The following NCOR1 variants were observed in gnomAD, a reference collection of about 807,000 sequenced individuals.
The protein encoded by NCOR1 is protein phosphatase 1, regulatory subunit 109.
A neutral mutation model predicts 288.1 loss-of-function variants in NCOR1; 63 were observed. The observed-to-expected ratio is 0.22, with a 90% CI of 0.18 to 0.27. NCOR1 has a LOEUF of 0.27. Among genes scored for constraint, NCOR1 ranks in the 10% least tolerant of loss-of-function variants. The pLI is 1.00. For missense variants in NCOR1, 2,397 were observed against 3,019.2 expected, an observed-to-expected ratio of 0.79 and a Z score of 4.83; for synonymous variants, 1,007 against 1,065.9, an observed-to-expected ratio of 0.94 and a Z score of 1.08.
rs1291108079 is a variant in NCOR1, at chr17:16,095,084, G to T, written c.2821-3026C>A. ...CTGCCCAGTCTGGAAAGTGAGGAGC[G>T]TCTCTGCCCGGCCGCCATCCCACCT... On this transcript the variant is annotated intron_variant, in intron 21 of 45. Coordinates refer to ENST00000268712, the MANE Select transcript of NCOR1 (RefSeq NM_006311.4). Among the ~76,000 whole-genome samples the T allele has an allele frequency of 8.0e-5, 12 of 150,138 alleles. No individual in the cohort carries two copies. In the East Asian group the frequency reaches 2.2e-3, roughly 27 times the overall value.
chr17:16,032,689 A>T (rs1385709614), intron 45 of NCOR1, among the ~76,000 whole-genome samples: 1 of 152,242 alleles, frequency 6.6e-6, no homozygotes, highest in Non-Finnish European at 1.5e-5. Flanking sequence ...GGGTCCAAAA[A>T]AGAAGAGTAA....
In NCOR1 at chr17:16,075,720, A is replaced by G. The variant is rs1348869680; in HGVS notation, c.3502-18T>C. The G allele has an allele frequency of 3.7e-6, 6 of 1,613,514 alleles. No homozygotes were observed. In the African/African-American group the frequency reaches 6.7e-5, roughly 18 times the overall value. Reference sequence around the variant, plus strand: ...GGGGTGCCCTGCCATCAAATCAAGCATAAATAGCAGAGGAGTCACTCGAGT... The same window carrying G: ...GGGGTGCCCTGCCATCAAATCAAGCGTAAATAGCAGAGGAGTCACTCGAGT... On this transcript the variant is annotated intron_variant, in intron 26 of 45. Transcript: ENST00000268712.
At chr17:16,078,970 A>C (rs1239749175) in intron 26 of NCOR1, among the ~76,000 whole-genome samples, 1 of 152,346 alleles carries the variant, frequency 6.6e-6, no homozygotes, top group Non-Finnish European at 1.5e-5. Context: ...TTTCAGAAAG[A>C]AATCACCTGG....
chr17:16,075,810 C>A, intron 26 of NCOR1, 108 bp from the exon 27 acceptor site: 1 of 1,215,976 alleles, frequency 8.2e-7, no homozygotes, highest in Non-Finnish European at 1.1e-6. Flanking sequence ...TCTATAGCTT[C>A]AAAGAAGAAA....
chr17:16,089,533 TA>T (rs2064835891), intron 22 of NCOR1, among the ~76,000 whole-genome samples: 1 of 152,100 alleles, frequency 6.6e-6, no homozygotes, highest in African/African-American at 2.4e-5. Context: ...CCATTCACAT[TA>T]AGAGAAATAA....
intron 14 of NCOR1, among the ~76,000 whole-genome samples, chr17:16,127,258 T>TATATATAC (rs1400960894): frequency 8.7e-6 from 1 of 115,096 alleles, no homozygotes; most frequent in Admixed American, 8.7e-5. Flanking sequence ...TATATATGTG[T>TATATATAC]GTGTATATAT....
rs754720250 is a variant in NCOR1 at position 16,143,656 on chromosome 17, T to C, written c.1123A>G (p.Arg375Gly). 1 of 1,613,940 alleles carries C rather than the reference T, an allele frequency of 6.2e-7. No individual in the cohort carries two copies. Among genetic ancestry groups the C allele is most frequent in the Non-Finnish European group, 8.5e-7 (1 of 1,179,846 alleles). ...ATTTCAGAAATCTCATGCTCACTCC[T>C]AGCAATGGTGGCTGAAAGACCAGCT... ...RGAGLSATIA[R>G]SEHEISEIID... is the part of the protein sequence containing the mutation. Residue 375 changes from arginine (R) to glycine (G), a missense_variant, in exon 11 of 46, where the codon AGG becomes GGG. By Grantham distance (125) the Arg-to-Gly change is moderately radical (BLOSUM62 -2). Around this residue, in one of 11 missense-constraint regions of NCOR1, gnomAD observed 51 missense variants for 127.6 expected, o/e 0.40. Coordinates refer to ENST00000268712, the MANE Select transcript of NCOR1 (RefSeq NM_006311.4).
intron 42 of NCOR1, chr17:16,045,011 A>AG: frequency 2.1e-6 from 1 of 465,644 alleles, no homozygotes; most frequent in Non-Finnish European, 3.9e-6. Flanking sequence ...AAAAAAAAAA[A>AG]AGAATAAACC....
intron 21 of NCOR1, 142 bp downstream of exon 21, chr17:16,098,225 G>T: frequency 2.5e-6 from 2 of 797,518 alleles, no homozygotes; most frequent in Non-Finnish European, 4.0e-6. Context: ...TGTATACTTA[G>T]AATTGGTTAC....
chr17:16,197,673 A>G (rs1171913659), intron 1 of NCOR1, among the ~76,000 whole-genome samples: 1 of 152,208 alleles, frequency 6.6e-6, no homozygotes, highest in Non-Finnish European at 1.5e-5. Context: ...CAGCTTTCTC[A>G]GCAAGCAGTG....
chr17:16,181,226 T>TAC (rs2085406044), intron 3 of NCOR1, among the ~76,000 whole-genome samples: 1 of 148,838 alleles, frequency 6.7e-6, no homozygotes, highest in African/African-American at 2.5e-5. Flanking sequence ...TGTGTGTGTG[T>TAC]GTGTGTGTGT....
chr17:16,109,143 C>T (rs1386280425), intron 18 of NCOR1, among the ~76,000 whole-genome samples: 4 of 152,016 alleles, frequency 2.6e-5, no homozygotes, highest in African/African-American at 7.3e-5. Context: ...TACATCTGAT[C>T]CACTTTTGGA....
At chr17:16,062,565 A>G (rs2060654142) in intron 35 of NCOR1, among the ~76,000 whole-genome samples, 1 of 152,224 alleles carries the variant, frequency 6.6e-6, no homozygotes, top group African/African-American at 2.4e-5. Context: ...AAACAGCACC[A>G]ACAAGAAGTA....
At position 16,160,898 on chromosome 17, in the gene NCOR1, A is replaced by G. The variant is rs553074569; in HGVS notation, c.619-2025T>C. Among the ~76,000 whole-genome samples, 8 of 152,294 alleles carry G rather than the reference A, an allele frequency of 5.3e-5. No individual in the cohort carries two copies. In the East Asian group the frequency reaches 1.5e-3, roughly 29 times the overall value. ...CTACCAAGAGGGAGTTTCTGAACCT[A>G]TTCTGGCTCAGGAGGCTGCCCAATT... On this transcript the variant is annotated intron_variant, in intron 5 of 45. Transcript: ENST00000268712.
chr17:16,185,008 CAAAAAAA>C lies in NCOR1; in HGVS notation c.242+1539_242+1545del, dbSNP rs34725978. On this transcript the variant is annotated intron_variant, in intron 3 of 45. Transcript: ENST00000268712. ...TTTCGCTTATATGTGGAATCTTAAA[CAAAAAAA>C]AAAAAAAAAAAAAGGAACTATACAA... Among the ~76,000 whole-genome samples the C allele has an allele frequency of 4.0e-4, 39 of 97,364 alleles. 1 individual carries two copies. The highest frequency in any genetic ancestry group is 1.5e-3 in the South Asian group (4 of 2,698). The allele number at this position is 97,364 out of a possible 152,430, so 63.9% of individuals were successfully genotyped here.
intron 1 of NCOR1, chr17:16,198,766 T>G (rs1216597319): frequency 6.6e-6 from 1 of 151,986 alleles, no homozygotes; most frequent in South Asian, 2.1e-4. Flanking sequence ...TGAACATTCA[T>G]GCATTTTGTA....
At chr17:16,154,542 C>T (rs2079401790) in intron 6 of NCOR1, among the ~76,000 whole-genome samples, 2 of 152,242 alleles carry the variant, frequency 1.3e-5, no homozygotes, top group South Asian at 4.2e-4. Flanking sequence ...AACACGGGGC[C>T]ACCTGACAGC....
chr17:16,056,492 T>G (rs1186680667), intron 40 of NCOR1, among the ~76,000 whole-genome samples: 1 of 151,814 alleles, frequency 6.6e-6, no homozygotes, highest in African/African-American at 2.4e-5. Flanking sequence ...TTTTTTTGTA[T>G]TTTTGTAGAG....
chr17:16,065,409 A>G, intron 33 of NCOR1, 76 bp downstream of exon 33: 1 of 1,437,766 alleles, frequency 7.0e-7, no homozygotes, highest in Non-Finnish European at 9.7e-7. Context: ...TCATTCAACA[A>G]GTATTTACTG....
Sources: gnomAD v4.1 joint callset for allele counts (sites outside exome capture counted in the v4.1 genomes callset) on GRCh38, gnomAD v4.1.1 for gene constraint, gnomAD v4.1.1 regional missense constraint, MANE v1.5 for transcripts, NCBI Gene and HGNC (gene_info 2026-07-23, HGNC 2026-07-21) for gene names.